The following PPP2R5D variants were observed in gnomAD, a reference collection of about 807,000 sequenced individuals.
PPP2R5D encodes protein phosphatase 2 regulatory subunit B'delta, also known as serine/threonine-protein phosphatase 2A 56 kDa regulatory subunit delta isoform.
PPP2R5D carries 12 observed loss-of-function variants against 79.1 expected under a neutral mutation model. The ratio of observed to expected loss-of-function variants is 0.15; its 90% CI spans 0.10 to 0.25. PPP2R5D has a LOEUF of 0.25. PPP2R5D is among the 10% of genes least tolerant of loss of function. The pLI, the probability that PPP2R5D is intolerant of heterozygous loss-of-function variation, is 1.00. For missense variants in PPP2R5D, 419 were observed against 760.2 expected, an observed-to-expected ratio of 0.55 and a Z score of 5.28; for synonymous variants, 277 against 286.6, an observed-to-expected ratio of 0.97 and a Z score of 0.34.
At chr6:42,996,958 T>C (rs959812486) in intron 2 of PPP2R5D, among the ~76,000 whole-genome samples, 5 of 152,144 alleles carry the variant, frequency 3.3e-5, no homozygotes, top group African/African-American at 7.2e-5. Context: ...CTTTCTCTTA[T>C]ATTAAATACT....
At chr6:43,002,872 C>G (rs989920809) in intron 2 of PPP2R5D, among the ~76,000 whole-genome samples, 1 of 151,940 alleles carries the variant, frequency 6.6e-6, no homozygotes, top group African/African-American at 2.4e-5. Flanking sequence ...AGGTATGAGG[C>G]CAAGAGGTCA....
In PPP2R5D at chr6:43,007,137, G is replaced by A; in HGVS notation, c.522+27G>A. ...TGGGCACAGGGAAAGGACACAGGGGGGACTGGTGAGGGGCTCTGGAGAAGC... is the reference window on the plus strand; with the variant it reads ...TGGGCACAGGGAAAGGACACAGGGGAGACTGGTGAGGGGCTCTGGAGAAGC... On this transcript the variant is annotated intron_variant, in intron 4 of 15. Transcript: ENST00000485511. The surrounding 1 kb of genome is among the most constrained non-coding windows in gnomAD (Gnocchi z 4.5). 1 of 1,614,100 alleles carries A rather than the reference G, an allele frequency of 6.2e-7. No homozygotes were observed. The highest frequency in any genetic ancestry group is 2.2e-5 in the East Asian group (1 of 44,874).
chr6:43,010,135 A>C lies in PPP2R5D; in HGVS notation c.1380-333A>C, dbSNP rs554678889. Among the ~76,000 whole-genome samples the C allele has an allele frequency of 3.3e-5, 5 of 150,902 alleles. No individual in the cohort carries two copies. Among genetic ancestry groups the C allele is most frequent in the Non-Finnish European group, 5.9e-5 (4 of 67,518 alleles). On this transcript the variant is annotated intron_variant, in intron 12 of 15. Coordinates refer to ENST00000485511, the MANE Select transcript of PPP2R5D (RefSeq NM_006245.4). The surrounding 1 kb of genome is among the most constrained non-coding windows in gnomAD (Gnocchi z 4.7). ...AGCAAGCACACTGTGGTGTAGATGC[A>C]GTCTGTCATGCTGCATCTACATGCC...
At chr6:42,998,745 G>A (rs903796589) in intron 2 of PPP2R5D, among the ~76,000 whole-genome samples, 1 of 151,614 alleles carries the variant, frequency 6.6e-6, no homozygotes, top group African/African-American at 2.4e-5. Flanking sequence ...AAAAACTACA[G>A]AAAAGTAGGC....
intron 2 of PPP2R5D, among the ~76,000 whole-genome samples, chr6:43,001,746 G>T (rs1023741908): frequency 1.3e-5 from 2 of 151,842 alleles, no homozygotes; most frequent in African/African-American, 4.8e-5. Flanking sequence ...AATTAGCCGG[G>T]CGTGGTGGCA....
Position 43,011,627 on chromosome 6 carries a change from C to T in PPP2R5D, c.*341C>T. ...GGAATACATACGCTCCTCTATTCTTCCCTTCATCCTCATTTGAACGCCAGG... is the reference window on the plus strand; with the variant it reads ...GGAATACATACGCTCCTCTATTCTTTCCTTCATCCTCATTTGAACGCCAGG... On this transcript the variant is annotated 3_prime_UTR_variant, in exon 16 of 16. Coordinates refer to ENST00000485511, the MANE Select transcript of PPP2R5D (RefSeq NM_006245.4). The T allele has an allele frequency of 3.3e-6, 1 of 300,374 alleles. No individual in the cohort carries two copies. The highest frequency in any genetic ancestry group is 6.3e-6 in the Non-Finnish European group (1 of 158,750). 18.6% of individuals were successfully genotyped at this position (300,374 alleles called of 1,614,324 possible). A position where few individuals can be genotyped will look rare whatever the true frequency, so the allele number is the denominator to read the frequency against.
At chr6:43,002,778 C>A (rs1049492181) in intron 2 of PPP2R5D, among the ~76,000 whole-genome samples, 2 of 152,196 alleles carry the variant, frequency 1.3e-5, no homozygotes, top group African/African-American at 2.4e-5. Flanking sequence ...TTCCCTCCCC[C>A]ACCCCAGAGG....
intron 2 of PPP2R5D, among the ~76,000 whole-genome samples, chr6:42,999,576 T>C (rs955419875): frequency 6.6e-6 from 1 of 152,190 alleles, no homozygotes; most frequent in Admixed American, 6.5e-5. Flanking sequence ...TTTGTTTTGT[T>C]TTTTTCTGAG....
At chr6:42,999,894 A>T (rs1772052766) in intron 2 of PPP2R5D, among the ~76,000 whole-genome samples, 2 of 151,420 alleles carry the variant, frequency 1.3e-5, no homozygotes, top group Admixed American at 1.3e-4. Context: ...GTTCTCTCTA[A>T]ACCTTACCGG....
chr6:42,989,880 T>C (rs1188957338), intron 2 of PPP2R5D, among the ~76,000 whole-genome samples, 192 bp downstream of exon 2: 1 of 152,220 alleles, frequency 6.6e-6, no homozygotes, highest in Non-Finnish European at 1.5e-5. Flanking sequence ...AAATACATTC[T>C]CTAGTTCTTC....
intron 2 of PPP2R5D, 54 bp downstream of exon 2, chr6:42,989,742 A>G (rs775428977): frequency 1.3e-6 from 2 of 1,512,582 alleles, no homozygotes; most frequent in South Asian, 1.1e-5. Flanking sequence ...CCGCAACTCC[A>G]TGATGGCTAG....
intron 2 of PPP2R5D, among the ~76,000 whole-genome samples, chr6:42,993,472 A>C (rs1179764030): frequency 6.6e-6 from 1 of 152,172 alleles, no homozygotes; most frequent in Non-Finnish European, 1.5e-5. Flanking sequence ...ACTCTGTCTC[A>C]AAAAACAAAA....
chr6:43,007,856 G>A lies in PPP2R5D; in HGVS notation c.727-79G>A. The A allele has an allele frequency of 6.4e-7, 1 of 1,572,992 alleles. No individual in the cohort carries two copies. The highest frequency in any genetic ancestry group is 8.7e-7 in the Non-Finnish European group (1 of 1,146,562). ...TCCAGGGGACCTCTGCATTTCCCCTGGCGGGACCTATGTCACCCTGGCCAC... is the reference window on the plus strand; with the variant it reads ...TCCAGGGGACCTCTGCATTTCCCCTAGCGGGACCTATGTCACCCTGGCCAC... On this transcript the variant is annotated intron_variant, in intron 6 of 15. Transcript: ENST00000485511. The surrounding 1 kb of genome is among the most constrained non-coding windows in gnomAD (Gnocchi z 4.5).
rs1294090901 is a variant in PPP2R5D at position 43,009,897 on chromosome 6, C to T, written c.1379+448C>T. 6.6e-6 allele frequency among the ~76,000 whole-genome samples: 1 copy of T among 152,058 alleles called. No individual in the cohort carries two copies. Among genetic ancestry groups the T allele is most frequent in the Non-Finnish European group, 1.5e-5 (1 of 68,012 alleles). On this transcript the variant is annotated intron_variant, in intron 12 of 15. Transcript: ENST00000485511. The surrounding 1 kb of genome is among the most constrained non-coding windows in gnomAD (Gnocchi z 5.6). Reference sequence around the variant, plus strand: ...AGCCTGCCCAACATAGTGAAACCCCCATCTCTACTAAAAATACAAAAATTA... The same window carrying T: ...AGCCTGCCCAACATAGTGAAACCCCTATCTCTACTAAAAATACAAAAATTA...
Position 43,008,211 on chromosome 6 carries a change from G to A in PPP2R5D, c.868G>A (p.Glu290Lys). The A allele has an allele frequency of 1.9e-6, 3 of 1,614,148 alleles. No homozygotes were observed. Among genetic ancestry groups the A allele is most frequent in the Non-Finnish European group, 2.5e-6 (3 of 1,180,032 alleles). ...INHIFYRFIY[E>K]TEHHNGIAEL... ...TTTTTCTTCCCTCAGGTTCATCTAC[G>A]AGACGGAGCATCACAACGGGATTGC... The change falls in exon 8 of 16, where the codon GAG becomes AAG. Residue 290 changes from glutamate to lysine, a missense_variant. Physicochemically the swap from Glu to Lys is moderately conservative, Grantham distance 56. This residue lies in a region of PPP2R5D where 196 missense variants were observed against 424.5 expected (regional missense o/e 0.46). Coordinates refer to ENST00000485511, the MANE Select transcript of PPP2R5D (RefSeq NM_006245.4). The surrounding 1 kb of genome is among the most constrained non-coding windows in gnomAD (Gnocchi z 4.2).
At chr6:43,000,001 G>T (rs7774626) in intron 2 of PPP2R5D, among the ~76,000 whole-genome samples, 42,561 of 149,388 alleles carry the variant, frequency 0.28, 9,572 homozygotes, top group African/African-American at 0.63. Flanking sequence ...AGTGGCGTGA[G>T]CTCGGCTCAC....
rs945965255 is a variant in PPP2R5D, at chr6:42,990,739, C to T, written c.105+1051C>T. 4.7e-5 allele frequency among the ~76,000 whole-genome samples: 5 copies of T among 105,724 alleles called. No individual in the cohort carries two copies. The East Asian group carries it at 1.6e-3, about 35-fold the overall frequency. 69.4% of individuals were successfully genotyped at this position (105,724 alleles called of 152,430 possible). A position where few individuals can be genotyped will look rare whatever the true frequency, so the allele number is the denominator to read the frequency against. ...TTTTTTTTTTTTTGAGATGGAGTCT[C>T]TCTCTTGTTGCCCAGGCTGGAGTGC... is the stretch of plus-strand genomic sequence containing the variant. On this transcript the variant is annotated intron_variant, in intron 2 of 15. Coordinates refer to ENST00000485511, the MANE Select transcript of PPP2R5D (RefSeq NM_006245.4).
intron 2 of PPP2R5D, among the ~76,000 whole-genome samples, chr6:42,995,980 G>C (rs1036952671): frequency 5.4e-5 from 8 of 147,180 alleles, no homozygotes; most frequent in African/African-American, 2.0e-4. Context: ...TCCTGCCTCA[G>C]CCTCCCGAGT....
intron 1 of PPP2R5D, among the ~76,000 whole-genome samples, chr6:42,985,926 C>A (rs1010788158): frequency 1.3e-5 from 2 of 152,056 alleles, no homozygotes; most frequent in South Asian, 2.1e-4. Flanking sequence ...TACAGGCATG[C>A]GCCACCACAT....
Sources: allele counts gnomAD v4.1 joint callset (sites outside exome capture counted in the v4.1 genomes callset), GRCh38; gene constraint gnomAD v4.1.1; regional missense constraint gnomAD v4.1.1; non-coding constraint Gnocchi (gnomAD v3.1); transcripts MANE v1.5; gene names NCBI Gene and HGNC (gene_info 2026-07-23, HGNC 2026-07-21).